The following ARSG variants were observed in gnomAD, a reference collection of about 807,000 sequenced individuals.
ARSG encodes the protein ASG.
ARSG carries 37 observed loss-of-function variants against 50.5 expected under a neutral mutation model. The ratio of observed to expected loss-of-function variants is 0.73; its 90% CI spans 0.56 to 0.96. ARSG has a LOEUF of 0.96. Ranked by LOEUF, ARSG falls within the 50% of genes least tolerant of loss-of-function variation. The pLI is 0.00. For synonymous variants in ARSG, 225 were observed against 254.6 expected (o/e 0.88, Z 1.11); for missense variants, 629 against 675.3 (o/e 0.93, Z 0.76).
At chr17:68,383,095 A>G (rs1016216492) in intron 8 of ARSG, among the ~76,000 whole-genome samples, 1 of 152,228 alleles carries the variant, frequency 6.6e-6, no homozygotes, top group African/African-American at 2.4e-5. Flanking sequence ...CTTTGCTGAA[A>G]TAAGACAAGC....
intron 9 of ARSG, among the ~76,000 whole-genome samples, chr17:68,392,802 A>G (rs2081057010): frequency 6.6e-6 from 1 of 152,186 alleles, no homozygotes; most frequent in African/African-American, 2.4e-5. Context: ...ACCTGGCCGC[A>G]TTCACTACTT....
At chr17:68,395,321 C>T (rs1460882725) in intron 10 of ARSG, 128 bp downstream of exon 10, 1 of 1,404,422 alleles carries the variant, frequency 7.1e-7, no homozygotes, top group Non-Finnish European at 9.6e-7. Context: ...GATACAGTGG[C>T]TCACGCCTGT....
At chr17:68,414,895 T>TA (rs1248759963) in intron 11 of ARSG, among the ~76,000 whole-genome samples, 1 of 152,214 alleles carries the variant, frequency 6.6e-6, no homozygotes, top group Admixed American at 6.5e-5. Context: ...TTTTGTTTCT[T>TA]ATTGAGTTTA....
At chr17:68,419,563 C>T (rs546849292) in intron 11 of ARSG, among the ~76,000 whole-genome samples, 30 of 152,108 alleles carry the variant, frequency 2.0e-4, no homozygotes, top group African/African-American at 5.1e-4. Flanking sequence ...GGTGACAGAG[C>T]GAGACTCCAA....
intron 1 of ARSG, chr17:68,272,867 T>A: frequency 6.9e-7 from 1 of 1,458,878 alleles, no homozygotes; most frequent in Non-Finnish European, 9.4e-7. Context: ...GCTTTTTGAA[T>A]CTTAAGTTCT....
chr17:68,264,740 C>G (rs1381877865), intron 1 of ARSG, among the ~76,000 whole-genome samples: 5 of 152,114 alleles, frequency 3.3e-5, no homozygotes, highest in African/African-American at 9.6e-5. Context: ...CCTGGCCCAA[C>G]TCATTTTTAT....
intron 4 of ARSG, 113 bp from the exon 5 acceptor site, chr17:68,351,462 T>C: frequency 1.5e-6 from 1 of 672,100 alleles, no homozygotes; most frequent in East Asian, 2.7e-5. Flanking sequence ...TTACATACTC[T>C]ATAGCACTGC....
chr17:68,368,617 G>A lies in ARSG; in HGVS notation c.774G>A (p.Gln258=). ...TGCACGTGCCCTTACCTGTGACTCAGCTACCAGCAGCGCCACGGGGCAGAA... is the reference window on the plus strand; with the variant it reads ...TGCACGTGCCCTTACCTGTGACTCAACTACCAGCAGCGCCACGGGGCAGAA... ...AHMHVPLPVT[Q]LPAAPRGRSL... The change falls in exon 7 of 12, where the codon CAG becomes CAA. Residue 258 remains glutamine, a synonymous_variant. Coordinates refer to ENST00000621439, the MANE Select transcript of ARSG (RefSeq NM_001267727.2). 6.2e-7 allele frequency: 1 copy of A among 1,614,234 alleles called. No individual in the cohort carries two copies. Among genetic ancestry groups the A allele is most frequent in the South Asian group, 1.1e-5 (1 of 91,084 alleles).
chr17:68,427,261 T>G, downstream of ARSG: 2 of 1,607,122 alleles, frequency 1.2e-6, no homozygotes, highest in African/African-American at 1.3e-5. Context: ...AAGCTACTTG[T>G]GACAATCAAG....
intron 1 of ARSG, chr17:68,270,936 A>T: frequency 6.2e-7 from 1 of 1,614,246 alleles, no homozygotes; most frequent in Non-Finnish European, 8.5e-7. Flanking sequence ...CATCATCCTC[A>T]GCAAGCAGTG....
chr17:68,349,047 A>T (rs1568501039), intron 4 of ARSG, among the ~76,000 whole-genome samples: 1 of 152,142 alleles, frequency 6.6e-6, no homozygotes, highest in Non-Finnish European at 1.5e-5. Context: ...CACGCCTGTA[A>T]TCCCAGCACT....
At chr17:68,371,958 T>C (rs577044984) in intron 8 of ARSG, among the ~76,000 whole-genome samples, 61 of 152,248 alleles carry the variant, frequency 4.0e-4, no homozygotes, top group African/African-American at 1.4e-3. Flanking sequence ...AAAGAGTCAA[T>C]AAAGGGTAAC....
chr17:68,265,816 G>A (rs1267429372), intron 1 of ARSG, among the ~76,000 whole-genome samples: 1 of 144,598 alleles, frequency 6.9e-6, no homozygotes, highest in Non-Finnish European at 1.5e-5. Flanking sequence ...TGAAAATCTT[G>A]TGAAATTCAC....
At chr17:68,375,396 C>G (rs1400418315) in intron 8 of ARSG, among the ~76,000 whole-genome samples, 1 of 152,090 alleles carries the variant, frequency 6.6e-6, no homozygotes, top group African/African-American at 2.4e-5. Flanking sequence ...GGGCTTCACC[C>G]CGGGCCAAAA....
chr17:68,427,849 C>A, the ARSG span, among the ~76,000 whole-genome samples: 2 of 152,170 alleles, frequency 1.3e-5, no homozygotes, highest in Non-Finnish European at 2.9e-5. Context: ...CAGGAGAGCT[C>A]AGTCTGTGCC....
intron 1 of ARSG, chr17:68,273,872 C>G: frequency 6.3e-7 from 1 of 1,581,514 alleles, no homozygotes; most frequent in Admixed American, 1.8e-5. Context: ...CTTCCCCTTC[C>G]TTGTTCTTCA....
intron 11 of ARSG, among the ~76,000 whole-genome samples, chr17:68,405,099 A>G (rs1243394885): frequency 6.8e-6 from 1 of 147,894 alleles, no homozygotes; most frequent in African/African-American, 2.5e-5. Context: ...TGCAGTTTTG[A>G]AATCAGGAGT....
chr17:68,362,667 A>C (rs1851752100), intron 6 of ARSG, among the ~76,000 whole-genome samples: 1 of 152,144 alleles, frequency 6.6e-6, no homozygotes, highest in South Asian at 2.1e-4. Context: ...CATTATACTT[A>C]ACCGGCTGAG....
At position 68,271,256 on chromosome 17, in the gene ARSG, G is replaced by T. The variant is rs543240847; in HGVS notation, c.-552+11830G>T. The T allele has an allele frequency of 8.1e-6, 13 of 1,614,140 alleles. No individual in the cohort carries two copies. The highest frequency in any genetic ancestry group is 1.1e-5 in the Non-Finnish European group (13 of 1,180,046). ...GCAAAGAATCCCAGTGTTGCAAAGAGACCAAATAATGCATAACAAATAAAA... is the reference window on the plus strand; with the variant it reads ...GCAAAGAATCCCAGTGTTGCAAAGATACCAAATAATGCATAACAAATAAAA... On this transcript the variant is annotated intron_variant, in intron 1 of 11. Coordinates refer to the ARSG transcript ENST00000448504. The surrounding 1 kb of genome is among the most constrained non-coding windows in gnomAD (Gnocchi z 5.3).
Sources: gnomAD v4.1 joint callset for allele counts (sites outside exome capture counted in the v4.1 genomes callset) on GRCh38, gnomAD v4.1.1 for gene constraint, Gnocchi (gnomAD v3.1) non-coding constraint, MANE v1.5 for transcripts, NCBI Gene and HGNC (gene_info 2026-07-23, HGNC 2026-07-21) for gene names.